The following PLCL1 variants were observed in gnomAD, a reference collection of about 807,000 sequenced individuals.
PLCL1 encodes phospholipase C like 1 (inactive).
PLCL1 carries 41 observed loss-of-function variants against 84.4 expected under a neutral mutation model. That is an observed-to-expected ratio of 0.49 (90% confidence interval 0.38 to 0.63). PLCL1 has a LOEUF of 0.63. Among genes scored for constraint, PLCL1 ranks in the 30% least tolerant of loss-of-function variants. The pLI is 0.00. For missense variants in PLCL1, 1,206 were observed against 1,367.8 expected (o/e 0.88, Z 1.87); for synonymous variants, 490 against 488.3 (o/e 1.00, Z -0.05).
intron 1 of PLCL1, among the ~76,000 whole-genome samples, chr2:198,050,236 G>A (rs557761022): frequency 1.3e-5 from 2 of 152,198 alleles, no homozygotes; most frequent in Admixed American, 6.5e-5. Flanking sequence ...TTTTCTGTAC[G>A]TTTTCATGGC....
At chr2:198,056,868 G>C (rs987036895) in intron 1 of PLCL1, among the ~76,000 whole-genome samples, 10 of 152,114 alleles carry the variant, frequency 6.6e-5, no homozygotes, top group Non-Finnish European at 1.3e-4. Context: ...TTCAGCACCT[G>C]GATAGCTTTA....
In PLCL1 at chr2:198,121,494, G is replaced by A. The variant is rs560860790; in HGVS notation, c.3105+17558G>A. Among the ~76,000 whole-genome samples, 5 of 152,194 alleles carry A rather than the reference G, an allele frequency of 3.3e-5. No homozygotes were observed. In the South Asian group the frequency reaches 1.0e-3, roughly 32 times the overall value. ...GATTTGATTTTTGTAAATGGTGAGA[G>A]ATAGGGATCTAGTTTCATTCTTTTG... On this transcript the variant is annotated intron_variant, in intron 5 of 5. Transcript: ENST00000428675.
At chr2:197,921,858 T>C (rs938816939) in intron 1 of PLCL1, among the ~76,000 whole-genome samples, 4 of 152,206 alleles carry the variant, frequency 2.6e-5, no homozygotes, top group African/African-American at 9.6e-5. Flanking sequence ...ATAACAGTCA[T>C]GAAAACTTGT....
rs57885218 is a variant in PLCL1, at chr2:197,819,884, A to ATGTGTG, written c.240+14577_240+14582dup. ...AGGAAGCCAAGGCTCACTATTATGC[A>ATGTGTG]TGTGTGTGTGTGTGTGTGTGTGTGT... is the stretch of plus-strand genomic sequence containing the variant. On this transcript the variant is annotated intron_variant, in intron 1 of 5. Coordinates refer to ENST00000428675, the MANE Select transcript of PLCL1 (RefSeq NM_006226.4). 5.9e-3 allele frequency among the ~76,000 whole-genome samples: 835 copies of ATGTGTG among 140,652 alleles called. 14 individuals are homozygous for ATGTGTG. Among genetic ancestry groups the ATGTGTG allele is most frequent in the African/African-American group, 0.019 (742 of 38,410 alleles). 92.3% of individuals were successfully genotyped at this position (140,652 alleles called of 152,430 possible). A position where few individuals can be genotyped will look rare whatever the true frequency, so the allele number is the denominator to read the frequency against.
chr2:197,869,303 T>G (rs1687604571), intron 1 of PLCL1, among the ~76,000 whole-genome samples: 1 of 152,104 alleles, frequency 6.6e-6, no homozygotes, highest in Admixed American at 6.6e-5. Flanking sequence ...ATTATTATTT[T>G]AAGAGCAATA....
chr2:197,856,454 A>G (rs1363680694), intron 1 of PLCL1, among the ~76,000 whole-genome samples: 1 of 152,184 alleles, frequency 6.6e-6, no homozygotes, highest in Admixed American at 6.6e-5. Context: ...ACAACTTACC[A>G]AAAGGTACCT....
intron 1 of PLCL1, among the ~76,000 whole-genome samples, chr2:197,918,650 G>A (rs908739237): frequency 2.0e-5 from 3 of 152,032 alleles, no homozygotes; most frequent in African/African-American, 4.8e-5. Flanking sequence ...GGCCAGGCAC[G>A]GTGGCTCATG....
At chr2:197,967,283 G>A (rs1048175589) in intron 1 of PLCL1, among the ~76,000 whole-genome samples, 8 of 152,058 alleles carry the variant, frequency 5.3e-5, no homozygotes, top group Non-Finnish European at 7.4e-5. Flanking sequence ...TGCAACCTCC[G>A]CCTCTCAGGT....
chr2:197,865,856 T>C (rs1292709927), intron 1 of PLCL1, among the ~76,000 whole-genome samples: 1 of 149,674 alleles, frequency 6.7e-6, no homozygotes, highest in African/African-American at 2.5e-5. Context: ...GTACAAAAAA[T>C]ACAAAAATTA....
Position 198,084,474 on chromosome 2 carries a change from A to G in PLCL1, c.957A>G (p.Leu319=). Residue 319 remains leucine, a synonymous_variant, in exon 2 of 6, where the codon TTA becomes TTG. Transcript: ENST00000428675. ...GCACCAGGCCAGAAGTGTATTTCTT[A>G]CTTGTACAGATATCTAAAAACAAAG... ...ELCTRPEVYF[L]LVQISKNKEY... 3 of 1,613,986 alleles carry G rather than the reference A, an allele frequency of 1.9e-6. No homozygotes were observed. The highest frequency in any genetic ancestry group is 2.5e-6 in the Non-Finnish European group (3 of 1,179,838).
intron 3 of PLCL1, among the ~76,000 whole-genome samples, chr2:198,100,463 C>T (rs1574312138): frequency 1.3e-5 from 2 of 151,940 alleles, no homozygotes; most frequent in African/African-American, 2.4e-5. Flanking sequence ...GGGCAGATGG[C>T]TTAAGAAAGT....
chr2:198,075,186 T>C (rs1488143315), intron 1 of PLCL1, among the ~76,000 whole-genome samples: 1 of 152,190 alleles, frequency 6.6e-6, no homozygotes, highest in Non-Finnish European at 1.5e-5. Flanking sequence ...TGCAGGGGTC[T>C]CCTGAGGAAG....
intron 1 of PLCL1, among the ~76,000 whole-genome samples, chr2:197,959,036 C>T (rs549213685): frequency 2.1e-4 from 32 of 151,986 alleles, no homozygotes; most frequent in Middle Eastern, 6.8e-3. Flanking sequence ...TACAGTATAC[C>T]GAAATATACT....
chr2:198,042,731 A>G (rs1691693409), intron 1 of PLCL1, among the ~76,000 whole-genome samples: 1 of 152,222 alleles, frequency 6.6e-6, no homozygotes, highest in Non-Finnish European at 1.5e-5. Context: ...TTACGTGCAT[A>G]GTCAGAAATA....
chr2:197,887,081 C>T (rs1687936888), intron 1 of PLCL1, among the ~76,000 whole-genome samples: 1 of 152,122 alleles, frequency 6.6e-6, no homozygotes, highest in Non-Finnish European at 1.5e-5. Flanking sequence ...GACCTGCATC[C>T]TTAGTTCCAT....
rs1692801859 is a variant in PLCL1, at chr2:198,084,421, G to A, written c.904G>A (p.Glu302Lys). The change falls in exon 2 of 6, where the codon GAA (glutamate) becomes AAA (lysine). Residue 302 changes from glutamate (E) to lysine (K), a missense_variant. Transcript: ENST00000428675. ...ACTAACCACCCGCGTGACCGAAGAG[G>A]AATTTTGTGAAGCTTTTTGTGAACT... ...EKLTTRVTEE[E>K]FCEAFCELCT... 6.2e-7 allele frequency: 1 copy of A among 1,614,040 alleles called. No homozygotes were observed. The highest frequency in any genetic ancestry group is 1.7e-5 in the Admixed American group (1 of 60,002).
chr2:198,077,867 A>C (rs1345126046), intron 1 of PLCL1, among the ~76,000 whole-genome samples: 1 of 152,024 alleles, frequency 6.6e-6, no homozygotes, highest in African/African-American at 2.4e-5. Flanking sequence ...CAAACCAAAA[A>C]CCTAGAAGTC....
intron 1 of PLCL1, among the ~76,000 whole-genome samples, chr2:197,853,300 G>T (rs996734038): frequency 6.6e-6 from 1 of 152,050 alleles, no homozygotes; most frequent in African/African-American, 2.4e-5. Context: ...CCACCTTTTA[G>T]CTATTGAGAA....
In PLCL1 at chr2:198,133,374, G is replaced by T. The variant is rs1360669334; in HGVS notation, c.3106-13406G>T. ...GGGAATACCACACTCTGGGGACTGT[G>T]GTGGGGTGGGGGGAGGGGGGAGGGA... On this transcript the variant is annotated intron_variant, in intron 5 of 5. Transcript: ENST00000428675. Among the ~76,000 whole-genome samples the T allele has an allele frequency of 3.0e-3, 393 of 129,746 alleles. 2 individuals are homozygous for T. Among genetic ancestry groups the T allele is most frequent in the African/African-American group, 0.011 (390 of 34,556 alleles). The allele number at this position is 129,746 out of a possible 152,430, so 85.1% of individuals were successfully genotyped here.
Sources: gnomAD v4.1 joint callset for allele counts (sites outside exome capture counted in the v4.1 genomes callset) on GRCh38, gnomAD v4.1.1 for gene constraint, MANE v1.5 for transcripts, NCBI Gene and HGNC (gene_info 2026-07-23, HGNC 2026-07-21) for gene names.